The following NR3C1 variants were observed in gnomAD, a reference collection of about 807,000 sequenced individuals.
NR3C1 encodes the protein glucocorticoid receptor.
In NR3C1, 14 loss-of-function variants were observed where a neutral mutation model predicts 74.0. The observed-to-expected ratio is 0.19, with a 90% CI of 0.12 to 0.30. The LOEUF (loss-of-function observed/expected upper bound fraction) is 0.30, where lower values mean the gene tolerates loss of function less well. Among genes scored for constraint, NR3C1 ranks in the 10% least tolerant of loss-of-function variants. NR3C1 has a pLI of 1.00. For missense variants in NR3C1, 695 were observed against 909.8 expected (o/e 0.76, Z 3.04); for synonymous variants, 308 against 332.5 (o/e 0.93, Z 0.80).
At chr5:143,365,032 C>A (rs1017802558) in intron 2 of NR3C1, among the ~76,000 whole-genome samples, 2 of 151,924 alleles carry the variant, frequency 1.3e-5, no homozygotes, top group Admixed American at 6.6e-5. Flanking sequence ...ACAATAAAAT[C>A]TCCGTGGCAA....
intron 2 of NR3C1, among the ~76,000 whole-genome samples, chr5:143,362,273 AG>A (rs1176221663): frequency 6.6e-6 from 1 of 152,062 alleles, no homozygotes; most frequent in Non-Finnish European, 1.5e-5. Flanking sequence ...CTTGATTCCT[AG>A]CTTAGCAGTA....
intron 2 of NR3C1, among the ~76,000 whole-genome samples, chr5:143,323,832 G>C (rs1371063647): frequency 1.3e-5 from 2 of 152,084 alleles, no homozygotes; most frequent in Admixed American, 1.3e-4. Context: ...GTTCCAAATG[G>C]GAGAAATTGG....
intron 2 of NR3C1, among the ~76,000 whole-genome samples, chr5:143,362,294 A>G (rs554867617): frequency 5.3e-5 from 8 of 152,192 alleles, no homozygotes; most frequent in Admixed American, 3.3e-4. Context: ...AGCCATGAAA[A>G]TAACAGTCCA....
chr5:143,356,423 T>C lies in NR3C1; in HGVS notation c.1185-42255A>G, dbSNP rs535031675. Among the ~76,000 whole-genome samples the C allele has an allele frequency of 1.6e-4, 25 of 151,976 alleles. No homozygotes were observed. In the South Asian group the frequency reaches 5.2e-3, roughly 32 times the overall value. The stretch of plus-strand genomic sequence containing the variant: ...TGAACCCTGATTATCAAGAGAAAAA[T>C]GGGTGGGAAGTATCTGTCTAGTATA... On this transcript the variant is annotated intron_variant, in intron 2 of 8. Transcript: ENST00000394464.
At chr5:143,303,981 A>G in intron 4 of NR3C1, among the ~76,000 whole-genome samples, 1 of 152,202 alleles carries the variant, frequency 6.6e-6, no homozygotes, top group Non-Finnish European at 1.5e-5. Flanking sequence ...AATGGGCAAA[A>G]GCTGGAAGCA....
rs572447760 is a variant in NR3C1, at chr5:143,381,532, G to A, written c.1184+18124C>T. On this transcript the variant is annotated intron_variant, in intron 2 of 8. Coordinates refer to ENST00000394464, the MANE Select transcript of NR3C1 (RefSeq NM_000176.3). ...TAAAACTGGAGGAATTACATTATCT[G>A]ACTTCAAATTATGCTACAAAACTAT... Among the ~76,000 whole-genome samples the A allele has an allele frequency of 4.6e-5, 7 of 152,214 alleles. No individual in the cohort carries two copies. In the East Asian group the frequency reaches 1.3e-3, roughly 29 times the overall value.
At chr5:143,294,502 A>C (rs554506769) in intron 7 of NR3C1, 1 of 185,098 alleles carries the variant, frequency 5.4e-6, no homozygotes, top group East Asian at 1.9e-4. Flanking sequence ...CATCACCCAA[A>C]GTCCATAGTT....
rs567920701 is a variant in NR3C1, at chr5:143,403,607, G to A, written c.-410C>T. The A allele has an allele frequency of 1.9e-5, 19 of 985,944 alleles. No individual in the cohort carries two copies. In the South Asian group the frequency reaches 7.5e-4, roughly 39 times the overall value. 61.1% of individuals were successfully genotyped at this position (985,944 alleles called of 1,614,324 possible). On this transcript the variant is annotated 5_prime_UTR_variant, in exon 1 of 9. Coordinates refer to ENST00000394464, the MANE Select transcript of NR3C1 (RefSeq NM_000176.3). ...CAAAATGGAGGAGGCGGCGGCGGAG[G>A]GAAGAGAGCGCGGACACGCGAAAGG...
chr5:143,348,781 A>G (rs1438731), intron 2 of NR3C1, among the ~76,000 whole-genome samples: 17,755 of 152,216 alleles, frequency 0.12, 1,350 homozygotes, highest in Middle Eastern at 0.29. Flanking sequence ...TGAATCAACA[A>G]TATATATTAA....
chr5:143,341,792 A>C (rs769007810), intron 2 of NR3C1, among the ~76,000 whole-genome samples: 8 of 152,242 alleles, frequency 5.3e-5, no homozygotes, highest in Non-Finnish European at 7.3e-5. Context: ...GTCAAATATA[A>C]AATTATAATT....
intron 1 of NR3C1, among the ~76,000 whole-genome samples, chr5:143,431,211 C>T (rs943473305): frequency 1.3e-5 from 2 of 152,056 alleles, no homozygotes; most frequent in African/African-American, 2.4e-5. Context: ...ATGGGCCACA[C>T]CCTTCCCCAG....
intron 1 of NR3C1, among the ~76,000 whole-genome samples, chr5:143,434,119 GC>G (rs1301392408): frequency 6.6e-6 from 1 of 152,176 alleles, no homozygotes; most frequent in African/African-American, 2.4e-5. Flanking sequence ...CCTCAGAGAA[GC>G]CCCTCCGCCA....
chr5:143,277,948 T>G lies in NR3C1; in HGVS notation c.*3941A>C, dbSNP rs1404716643. 5.9e-5 allele frequency: 9 copies of G among 152,184 alleles called. No homozygotes were observed. Among genetic ancestry groups the G allele is most frequent in the African/African-American group, 1.9e-4 (8 of 41,446 alleles). The allele number at this position is 152,184 out of a possible 1,614,324, so 9.4% of individuals were successfully genotyped here. A position where few individuals can be genotyped will look rare whatever the true frequency, so the allele number is the denominator to read the frequency against. On this transcript the variant is annotated 3_prime_UTR_variant, in exon 9 of 9. Coordinates refer to ENST00000394464, the MANE Select transcript of NR3C1 (RefSeq NM_000176.3). ...GAGTCACATAATGAAAAAGCAGATTTTTTTATTATGATGTTTCTCCATATT... is the reference window on the plus strand; with the variant it reads ...GAGTCACATAATGAAAAAGCAGATTGTTTTATTATGATGTTTCTCCATATT...
chr5:143,406,934 T>A (rs532485710), upstream of NR3C1: 2 of 152,372 alleles, frequency 1.3e-5, no homozygotes, highest in East Asian at 3.8e-4. Context: ...AGTCAACATT[T>A]ATTGCGCATC....
rs561925908 is a variant in NR3C1 at position 143,311,783 on chromosome 5, A to G, written c.1352-1570T>C. ...CTGAGACTACAGGTGCGATGCCTGG[A>G]TAACGTTTTTTTTTTTTTTTTTTTT... On this transcript the variant is annotated intron_variant, in intron 3 of 8. Transcript: ENST00000394464. Among the ~76,000 whole-genome samples, 943 of 144,002 alleles carry G rather than the reference A, an allele frequency of 6.5e-3. 13 individuals are homozygous for G. The highest frequency in any genetic ancestry group is 0.022 in the African/African-American group (861 of 38,724). 94.5% of individuals were successfully genotyped at this position (144,002 alleles called of 152,430 possible).
At chr5:143,336,349 T>A (rs1422526724) in intron 2 of NR3C1, among the ~76,000 whole-genome samples, 1 of 152,232 alleles carries the variant, frequency 6.6e-6, no homozygotes, top group Non-Finnish European at 1.5e-5. Flanking sequence ...ACCCAGTATA[T>A]GTTTTTAAAA....
At chr5:143,388,994 T>C (rs1354197009) in intron 2 of NR3C1, among the ~76,000 whole-genome samples, 2 of 152,236 alleles carry the variant, frequency 1.3e-5, no homozygotes, top group African/African-American at 4.8e-5. Flanking sequence ...TTTCCATCTT[T>C]TCTTTCATTT....
At chr5:143,348,520 C>T (rs1829696848) in intron 2 of NR3C1, among the ~76,000 whole-genome samples, 1 of 152,178 alleles carries the variant, frequency 6.6e-6, no homozygotes, top group Non-Finnish European at 1.5e-5. Flanking sequence ...TGACACGCCA[C>T]CTTCTTGTTT....
chr5:143,309,842 A>G (rs1820521977), intron 4 of NR3C1, among the ~76,000 whole-genome samples: 2 of 152,174 alleles, frequency 1.3e-5, no homozygotes, highest in Admixed American at 6.5e-5. Context: ...TTATTACATA[A>G]TTTCCTTTCT....
Sources: allele counts gnomAD v4.1 joint callset (sites outside exome capture counted in the v4.1 genomes callset), GRCh38; gene constraint gnomAD v4.1.1; transcripts MANE v1.5; gene names NCBI Gene and HGNC (gene_info 2026-07-23, HGNC 2026-07-21).